The following CHCHD3 variants were observed in gnomAD, a reference collection of about 807,000 sequenced individuals.
CHCHD3 encodes coiled-coil-helix-coiled-coil-helix domain containing 3, also known as MICOS complex subunit MIC19.
Under a neutral mutation model 38.2 loss-of-function variants are expected in CHCHD3, and 20 were observed. The ratio of observed to expected loss-of-function variants is 0.52; its 90% CI spans 0.37 to 0.76. The LOEUF is 0.76. CHCHD3 is among the 30% of genes least tolerant of loss of function. The pLI is 0.00. For synonymous variants in CHCHD3, 82 were observed against 100.0 expected, an observed-to-expected ratio of 0.82 and a Z score of 1.07; for missense variants, 245 against 279.2, an observed-to-expected ratio of 0.88 and a Z score of 0.87.
At chr7:132,877,372 G>A (rs1251183949) in intron 5 of CHCHD3, among the ~76,000 whole-genome samples, 2 of 151,624 alleles carry the variant, frequency 1.3e-5, no homozygotes, top group Non-Finnish European at 2.9e-5. Flanking sequence ...CACAAACTAG[G>A]GAAAAAAAAT....
intron 3 of CHCHD3, among the ~76,000 whole-genome samples, chr7:133,013,307 C>G (rs4728278): frequency 0.67 from 102,430 of 151,784 alleles, 34,717 homozygotes; most frequent in Admixed American, 0.72. Flanking sequence ...ATGGGTGACT[C>G]CAGATGCCGA....
intron 3 of CHCHD3, among the ~76,000 whole-genome samples, chr7:133,015,834 C>T (rs1278273961): frequency 6.6e-6 from 1 of 152,104 alleles, no homozygotes; most frequent in Admixed American, 6.6e-5. Context: ...GTTCTACAGG[C>T]TGTACAGGAA....
In CHCHD3 at chr7:132,785,498, T is replaced by C. The variant is rs1806290329; in HGVS notation, c.*139A>G. ...TGTTCAAAACGTGAAATGATTCTGC[T>C]GAATCCATTCTTGATGTCTCTCTTT... On this transcript the variant is annotated 3_prime_UTR_variant, in exon 8 of 8. Transcript: ENST00000262570. The C allele has an allele frequency of 2.4e-6, 2 of 819,698 alleles. No homozygotes were observed. The highest frequency in any genetic ancestry group is 2.0e-6 in the Non-Finnish European group (1 of 494,634). The allele number at this position is 819,698 out of a possible 1,614,324, so 50.8% of individuals were successfully genotyped here.
chr7:133,009,036 A>G (rs936400353), intron 3 of CHCHD3, among the ~76,000 whole-genome samples: 2 of 151,894 alleles, frequency 1.3e-5, no homozygotes, highest in African/African-American at 2.4e-5. Flanking sequence ...GGACAGATAC[A>G]AGAGGCCAAG....
chr7:133,049,573 A>C (rs1170531564), intron 2 of CHCHD3, among the ~76,000 whole-genome samples: 1 of 152,230 alleles, frequency 6.6e-6, no homozygotes, highest in African/African-American at 2.4e-5. Context: ...TGAGGGCAAC[A>C]AGCCTTACTC....
At chr7:132,974,646 C>A (rs766693527) in intron 4 of CHCHD3, among the ~76,000 whole-genome samples, 1 of 152,074 alleles carries the variant, frequency 6.6e-6, no homozygotes, top group African/African-American at 2.4e-5. Context: ...GAAGCCGAGG[C>A]GGGTGGATCA....
chr7:132,815,704 C>A, intron 6 of CHCHD3: 1 of 355,550 alleles, frequency 2.8e-6, no homozygotes, highest in South Asian at 2.2e-5. Context: ...TTTAGGCTTT[C>A]GTCCTTCTTT....
intron 4 of CHCHD3, among the ~76,000 whole-genome samples, chr7:132,972,352 T>C (rs1042255061): frequency 2.0e-5 from 3 of 152,306 alleles, no homozygotes; most frequent in Admixed American, 6.5e-5. Context: ...TATACTATTA[T>C]CTATGTTTGG....
intron 6 of CHCHD3, among the ~76,000 whole-genome samples, chr7:132,799,781 C>T (rs997405682): frequency 2.6e-5 from 4 of 152,096 alleles, no homozygotes; most frequent in Non-Finnish European, 5.9e-5. Context: ...TTACTGGGAA[C>T]CTTTCATGGA....
At chr7:132,922,990 A>C (rs1051802852) in intron 4 of CHCHD3, among the ~76,000 whole-genome samples, 15 of 152,182 alleles carry the variant, frequency 9.9e-5, no homozygotes, top group African/African-American at 3.6e-4. Context: ...CTCATTCCCC[A>C]ACATGCAGGA....
At chr7:133,014,987 G>A (rs1414058298) in intron 3 of CHCHD3, among the ~76,000 whole-genome samples, 2 of 152,128 alleles carry the variant, frequency 1.3e-5, no homozygotes, top group African/African-American at 4.8e-5. Context: ...AACGAGAACT[G>A]AACTCATGAG....
At chr7:132,833,820 G>A (rs1219494244) in intron 6 of CHCHD3, among the ~76,000 whole-genome samples, 9 of 152,202 alleles carry the variant, frequency 5.9e-5, no homozygotes, top group Non-Finnish European at 1.0e-4. Context: ...GTCATGGGCA[G>A]CTTCAAATGC....
At chr7:132,998,044 C>G (rs578104176) in intron 3 of CHCHD3, among the ~76,000 whole-genome samples, 13 of 152,230 alleles carry the variant, frequency 8.5e-5, no homozygotes, top group Middle Eastern at 6.8e-3. Flanking sequence ...GATGAATATT[C>G]ATTATATCTG....
At position 132,958,971 on chromosome 7, in the gene CHCHD3, G is replaced by A. The variant is rs138578051; in HGVS notation, c.369+16198C>T. Among the ~76,000 whole-genome samples the A allele has an allele frequency of 9.1e-4, 138 of 152,110 alleles. No homozygotes were observed. The Middle Eastern group carries it at 0.031, about 34-fold the overall frequency. On this transcript the variant is annotated intron_variant, in intron 4 of 7. Transcript: ENST00000262570. ...ATATTAACCAGCATCTTTTTTGCCC[G>A]GGCAACATATGTGTCTATCAATGGT...
intron 2 of CHCHD3, among the ~76,000 whole-genome samples, chr7:133,026,530 A>C (rs1483796861): frequency 6.6e-6 from 1 of 152,220 alleles, no homozygotes; most frequent in East Asian, 1.9e-4. Flanking sequence ...TACTATATAT[A>C]CTCAAGAAAA....
At chr7:132,846,048 C>A (rs2117107870) in intron 5 of CHCHD3, among the ~76,000 whole-genome samples, 1 of 152,220 alleles carries the variant, frequency 6.6e-6, no homozygotes, top group South Asian at 2.1e-4. Flanking sequence ...TCTCAGAACC[C>A]AGTGGTAGAT....
At chr7:132,813,427 GC>G (rs1807123902) in intron 6 of CHCHD3, 1 of 152,140 alleles carries the variant, frequency 6.6e-6, no homozygotes, top group African/African-American at 2.4e-5. Context: ...CTTCTTACTT[GC>G]AGTGGAAGCT....
chr7:132,877,461 C>G (rs569555069), intron 5 of CHCHD3, among the ~76,000 whole-genome samples: 1 of 152,268 alleles, frequency 6.6e-6, no homozygotes, highest in East Asian at 1.9e-4. Context: ...ATGGTTCCAT[C>G]TTTGCACCTA....
Position 132,957,379 on chromosome 7 carries a change from G to A in CHCHD3, c.369+17790C>T, listed in dbSNP as rs147168189. On this transcript the variant is annotated intron_variant, in intron 4 of 7. Transcript: ENST00000262570. ...GGCCCTAAAATAGCAATACAATGGT[G>A]GGGCCAAACTGGGAAATGGCTGCGC... Among the ~76,000 whole-genome samples, 312 of 152,352 alleles carry A rather than the reference G, an allele frequency of 2.0e-3. 2 individuals carry two copies. Among genetic ancestry groups the A allele is most frequent in the African/African-American group, 7.2e-3 (299 of 41,578 alleles).
Sources: gnomAD v4.1 joint callset for allele counts (sites outside exome capture counted in the v4.1 genomes callset) on GRCh38, gnomAD v4.1.1 for gene constraint, MANE v1.5 for transcripts, NCBI Gene and HGNC (gene_info 2026-07-23, HGNC 2026-07-21) for gene names.